NPAS3: variants seen among roughly 807,000 people sequenced by gnomAD.
NPAS3 encodes the protein neuronal PAS domain protein 3.
In NPAS3, 14 loss-of-function variants were observed where a neutral mutation model predicts 73.1. That is an observed-to-expected ratio of 0.19 (90% CI 0.13 to 0.30). The LOEUF is 0.30. NPAS3 is among the 10% of genes least tolerant of loss of function. The pLI, the probability that NPAS3 is intolerant of heterozygous loss-of-function variation, is 1.00. For synonymous variants in NPAS3, 620 were observed against 541.5 expected, an observed-to-expected ratio of 1.14 and a Z score of -2.01; for missense variants, 1,096 against 1,250.0, an observed-to-expected ratio of 0.88 and a Z score of 1.86.
In NPAS3 at chr14:33,566,226, T is replaced by C. The variant is rs368032687; in HGVS notation, c.558+6016T>C. On this transcript the variant is annotated intron_variant, in intron 5 of 11. Coordinates refer to ENST00000356141, the Ensembl canonical transcript of NPAS3. ...GCGACCTGGTGAAGAAATTGATTTT[T>C]CCCCCCCGAAAATGACTGCATGATG... is the stretch of plus-strand genomic sequence containing the variant. Among the ~76,000 whole-genome samples the C allele has an allele frequency of 6.2e-3, 942 of 151,182 alleles. 10 individuals are homozygous for C. Among genetic ancestry groups the C allele is most frequent in the African/African-American group, 0.02 (832 of 41,104 alleles).
intron 9 of NPAS3, among the ~76,000 whole-genome samples, chr14:33,790,565 T>TC (rs1294798892): frequency 2.0e-5 from 3 of 152,048 alleles, no homozygotes; most frequent in Admixed American, 6.6e-5. Context: ...TTTTTTTTTT[T>TC]CCAAGGAAAG....
At chr14:32,964,608 A>G (rs2037073177) in intron 1 of NPAS3, among the ~76,000 whole-genome samples, 1 of 152,232 alleles carries the variant, frequency 6.6e-6, no homozygotes, top group African/African-American at 2.4e-5. Flanking sequence ...ATCTGTTGTA[A>G]ATAGGCAGCC....
chr14:33,515,456 C>G (rs995304347), intron 4 of NPAS3, among the ~76,000 whole-genome samples: 2 of 152,066 alleles, frequency 1.3e-5, no homozygotes, highest in African/African-American at 4.8e-5. Context: ...TGACCTGTAA[C>G]TCCCACCAGC....
At chr14:33,064,298 T>C (rs1409455928) in intron 2 of NPAS3, among the ~76,000 whole-genome samples, 3 of 152,198 alleles carry the variant, frequency 2.0e-5, no homozygotes, top group East Asian at 3.8e-4. Flanking sequence ...GCAAGACATC[T>C]CTTTTAATGA....
In NPAS3 at chr14:33,095,677, T is replaced by A. The variant is rs139869729; in HGVS notation, c.140+39683T>A. Among the ~76,000 whole-genome samples the A allele has an allele frequency of 4.1e-3, 573 of 140,934 alleles. 30 individuals carry two copies. In the East Asian group the frequency reaches 0.046, roughly 11 times the overall value. 92.5% of individuals were successfully genotyped at this position (140,934 alleles called of 152,430 possible). On this transcript the variant is annotated intron_variant, in intron 2 of 11. Coordinates refer to ENST00000356141, the Ensembl canonical transcript of NPAS3. ...CTCTGCTTTTATTTTTTTATTTTTT[T>A]TTTTTTTTTGAGAGGGAGTCTCGCT...
chr14:33,047,107 A>T (rs2040536627), intron 1 of NPAS3, among the ~76,000 whole-genome samples: 1 of 152,218 alleles, frequency 6.6e-6, no homozygotes, highest in Non-Finnish European at 1.5e-5. Flanking sequence ...GTTGGCATAT[A>T]AGGTAAAATT....
Position 33,684,144 on chromosome 14 carries a change from C to T in NPAS3, c.733+7759C>T, listed in dbSNP as rs369684650. ...GATAGGTCCCTGGTAGGAATTGAAC[C>T]AGAGGAATTTTCTCCAAGGGGATTC... On this transcript the variant is annotated intron_variant, in intron 6 of 11. Transcript: ENST00000356141. Among the ~76,000 whole-genome samples the T allele has an allele frequency of 5.9e-5, 9 of 151,678 alleles. No homozygotes were observed. The East Asian group carries it at 1.7e-3, about 29-fold the overall frequency.
In NPAS3 at chr14:33,073,584, G is replaced by A. The variant is rs75747164; in HGVS notation, c.140+17590G>A. Among the ~76,000 whole-genome samples the A allele has an allele frequency of 1.6e-4, 24 of 152,226 alleles. No homozygotes were observed. In the East Asian group the frequency reaches 4.6e-3, roughly 29 times the overall value. On this transcript the variant is annotated intron_variant, in intron 2 of 11. Coordinates refer to ENST00000356141, the Ensembl canonical transcript of NPAS3. The stretch of plus-strand genomic sequence containing the variant: ...TTGAGGGTCTCTTCTTGGAAAGTTG[G>A]AACTTAAAGCTGGCCCGTGAATGAA...
At chr14:33,010,348 A>G (rs1277573425) in intron 1 of NPAS3, among the ~76,000 whole-genome samples, 1 of 152,190 alleles carries the variant, frequency 6.6e-6, no homozygotes, top group East Asian at 1.9e-4. Flanking sequence ...TGGCAGTAGC[A>G]TTCTAAAAGT....
chr14:33,205,024 T>C (rs2046770930), intron 2 of NPAS3, among the ~76,000 whole-genome samples: 1 of 152,202 alleles, frequency 6.6e-6, no homozygotes, highest in Non-Finnish European at 1.5e-5. Context: ...GTAACTTTTA[T>C]ATTAAAAAGT....
intron 4 of NPAS3, among the ~76,000 whole-genome samples, chr14:33,400,534 G>T (rs1034426456): frequency 1.3e-5 from 2 of 152,122 alleles, no homozygotes; most frequent in African/African-American, 4.8e-5. Flanking sequence ...GTATAGTCTT[G>T]CTGTGAAATT....
At chr14:33,031,836 T>C (rs2040006819) in intron 1 of NPAS3, among the ~76,000 whole-genome samples, 1 of 152,244 alleles carries the variant, frequency 6.6e-6, no homozygotes, top group Admixed American at 6.5e-5. Flanking sequence ...TATTGCATGC[T>C]CCAGATTGTT....
At chr14:33,213,777 G>A (rs2047121830) in intron 2 of NPAS3, 1 of 152,250 alleles carries the variant, frequency 6.6e-6, no homozygotes, top group East Asian at 1.9e-4. Flanking sequence ...TATTAATAGA[G>A]CAAACATAAA....
chr14:33,092,976 G>T (rs2042280680), intron 2 of NPAS3, among the ~76,000 whole-genome samples: 1 of 152,290 alleles, frequency 6.6e-6, no homozygotes, highest in Admixed American at 6.5e-5. Flanking sequence ...ATTCAAGATG[G>T]ATCAAAGACT....
At chr14:33,534,171 C>T (rs1469398264) in intron 4 of NPAS3, among the ~76,000 whole-genome samples, 1 of 148,936 alleles carries the variant, frequency 6.7e-6, no homozygotes, top group Non-Finnish European at 1.5e-5. Context: ...AATAAGAAGA[C>T]TTGCAAATTT....
intron 3 of NPAS3, among the ~76,000 whole-genome samples, chr14:33,258,594 A>G (rs1178924148): frequency 1.3e-5 from 2 of 152,180 alleles, no homozygotes; most frequent in African/African-American, 2.4e-5. Context: ...AGAATTGTCC[A>G]TACATTGATG....
intron 5 of NPAS3, among the ~76,000 whole-genome samples, chr14:33,595,433 A>G (rs1022684482): frequency 1.3e-5 from 2 of 152,114 alleles, no homozygotes; most frequent in Non-Finnish European, 2.9e-5. Context: ...TTCTTCTTAA[A>G]TTATATATTA....
chr14:33,789,274 C>T (rs1333242553), intron 9 of NPAS3, among the ~76,000 whole-genome samples: 1 of 152,200 alleles, frequency 6.6e-6, no homozygotes, highest in Non-Finnish European at 1.5e-5. Context: ...CTGAAGAGCA[C>T]AGCTTATAAC....
chr14:33,395,692 G>T (rs760113967), intron 4 of NPAS3, among the ~76,000 whole-genome samples: 2 of 152,024 alleles, frequency 1.3e-5, no homozygotes, highest in Non-Finnish European at 2.9e-5. Flanking sequence ...TATTTCAATA[G>T]CTCCCTCCTT....
Sources: allele counts gnomAD v4.1 joint callset (sites outside exome capture counted in the v4.1 genomes callset), GRCh38; gene constraint gnomAD v4.1.1; transcripts MANE v1.5; gene names NCBI Gene and HGNC (gene_info 2026-07-23, HGNC 2026-07-21).